Variants in PPAT observed in about 807,000 individuals in gnomAD.
The protein encoded by PPAT is amidophosphoribosyltransferase.
Under a neutral mutation model 60.2 loss-of-function variants are expected in PPAT, and 20 were observed. That is an observed-to-expected ratio of 0.33 (90% confidence interval 0.23 to 0.48). The LOEUF is 0.48. Among genes scored for constraint, PPAT ranks in the 20% least tolerant of loss-of-function variants. PPAT has a pLI of 0.99. For missense variants in PPAT, 349 were observed against 629.6 expected (o/e 0.55, Z 4.77); for synonymous variants, 194 against 215.1 (o/e 0.90, Z 0.86).
chr4:56,405,291 A>G (rs1238384944), intron 3 of PPAT, among the ~76,000 whole-genome samples: 1 of 151,958 alleles, frequency 6.6e-6, no homozygotes, highest in Non-Finnish European at 1.5e-5. Context: ...TTTATACTCC[A>G]TTTTATTTTT....
At chr4:56,431,490 T>A in intron 1 of PPAT, 1 of 978,494 alleles carries the variant, frequency 1.0e-6, no homozygotes, top group Non-Finnish European at 1.2e-6. Flanking sequence ...CAAAGCGTAA[T>A]AACAGAACCA....
At chr4:56,432,219 A>G (rs2110070148) in intron 1 of PPAT, among the ~76,000 whole-genome samples, 1 of 152,304 alleles carries the variant, frequency 6.6e-6, no homozygotes, top group East Asian at 1.9e-4. Flanking sequence ...CTCACCTTCT[A>G]GATTCCATCT....
intron 1 of PPAT, among the ~76,000 whole-genome samples, chr4:56,417,723 G>T (rs1716831397): frequency 6.6e-6 from 1 of 152,074 alleles, no homozygotes; most frequent in Non-Finnish European, 1.5e-5. Context: ...GGGGTTCAAG[G>T]CTGCAGTGAG....
intron 1 of PPAT, among the ~76,000 whole-genome samples, chr4:56,425,841 G>A (rs1005892195): frequency 6.6e-6 from 1 of 152,106 alleles, no homozygotes; most frequent in Non-Finnish European, 1.5e-5. Flanking sequence ...TAAAAACTCT[G>A]GCTTAGAGGA....
chr4:56,422,482 C>CATGT (rs1717089107), intron 1 of PPAT: 5 of 138,564 alleles, frequency 3.6e-5, no homozygotes, highest in African/African-American at 1.4e-4. Flanking sequence ...TTTTTTTGTA[C>CATGT]GTGTGTGTGT....
intron 1 of PPAT, among the ~76,000 whole-genome samples, chr4:56,429,565 T>C (rs559568862): frequency 2.7e-5 from 4 of 150,516 alleles, no homozygotes; most frequent in African/African-American, 1.0e-4. Flanking sequence ...AGCTCCAGTC[T>C]CTCTTTGACC....
chr4:56,425,074 A>C (rs954040620), intron 1 of PPAT, among the ~76,000 whole-genome samples: 1 of 152,224 alleles, frequency 6.6e-6, no homozygotes, highest in Non-Finnish European at 1.5e-5. Context: ...TGGTTGTAGC[A>C]AAACATATTT....
At chr4:56,402,814 G>A (rs1239724780) in intron 5 of PPAT, among the ~76,000 whole-genome samples, 4 of 96,752 alleles carry the variant, frequency 4.1e-5, no homozygotes, top group African/African-American at 1.4e-4. Flanking sequence ...AGTGAAACTC[G>A]GTCTCCAAAA....
At chr4:56,434,017 T>C (rs1321997952) in intron 1 of PPAT, among the ~76,000 whole-genome samples, 2 of 152,214 alleles carry the variant, frequency 1.3e-5, no homozygotes, top group Non-Finnish European at 2.9e-5. Flanking sequence ...TACAAACTAA[T>C]GTTGCTCACA....
chr4:56,419,863 T>C, intron 1 of PPAT: 3 of 984,650 alleles, frequency 3.0e-6, no homozygotes, highest in Non-Finnish European at 3.6e-6. Context: ...TACAAAAACC[T>C]AAAACACGAA....
At position 56,393,426 on chromosome 4, in the gene PPAT, T is replaced by C. The variant is rs1414197145; in HGVS notation, c.*1926A>G. 1.3e-5 allele frequency: 2 copies of C among 152,164 alleles called. No homozygotes were observed. The highest frequency in any genetic ancestry group is 6.5e-5 in the Admixed American group (1 of 15,270). The allele number at this position is 152,164 out of a possible 1,614,324, so 9.4% of individuals were successfully genotyped here. On this transcript the variant is annotated 3_prime_UTR_variant, in exon 11 of 11. Coordinates refer to ENST00000264220, the MANE Select transcript of PPAT (RefSeq NM_002703.5). Reference sequence around the variant, plus strand: ...CACAAATAAGTCACAAAAAGTAGGCTTAGTTTAGTTCACAATATAAATCCC... The same window carrying C: ...CACAAATAAGTCACAAAAAGTAGGCCTAGTTTAGTTCACAATATAAATCCC...
intron 9 of PPAT, among the ~76,000 whole-genome samples, chr4:56,397,579 C>T (rs1716005926): frequency 6.6e-6 from 1 of 152,074 alleles, no homozygotes; most frequent in Non-Finnish European, 1.5e-5. Flanking sequence ...TTTAAATTTA[C>T]ATAACTATTA....
chr4:56,432,925 G>C (rs1325179279), intron 1 of PPAT, among the ~76,000 whole-genome samples: 1 of 151,266 alleles, frequency 6.6e-6, no homozygotes, highest in Non-Finnish European at 1.5e-5. Context: ...AGTGAAAACA[G>C]AGCTTTCTGC....
At chr4:56,407,125 T>G (rs541672660) in intron 2 of PPAT, among the ~76,000 whole-genome samples, 1 of 152,272 alleles carries the variant, frequency 6.6e-6, no homozygotes, top group South Asian at 2.1e-4. Flanking sequence ...AATGACCCCC[T>G]ATTTGAGTTG....
intron 5 of PPAT, 60 bp downstream of exon 5, chr4:56,402,980 T>C: frequency 6.9e-7 from 1 of 1,457,592 alleles, no homozygotes. Context: ...CAGGGCTTGA[T>C]AGCAGTAGGA....
In PPAT at chr4:56,407,716, C is replaced by A; in HGVS notation, c.129G>T (p.Arg43=). 6.3e-7 allele frequency: 1 copy of A among 1,597,348 alleles called. No individual in the cohort carries two copies. The highest frequency in any genetic ancestry group is 2.2e-5 in the East Asian group (1 of 44,836). Reference sequence around the variant, plus strand: ...TCACAATACCAGCACTCTCCTGACCCCTGTGAATATAAAAAGATATTAGCT... The same window carrying A: ...TCACAATACCAGCACTCTCCTGACCACTGTGAATATAAAAAGATATTAGCT... ...ITLGLVGLQH[R]GQESAGIVTS... is the part of the protein sequence containing the mutation. The change falls in exon 2 of 11, where the codon CGG becomes CGT. Residue 43 remains arginine (R), a splice_region_variant and synonymous_variant. Transcript: ENST00000264220.
intron 1 of PPAT, among the ~76,000 whole-genome samples, chr4:56,429,322 T>C (rs1717457019): frequency 1.3e-5 from 2 of 152,170 alleles, no homozygotes; most frequent in Non-Finnish European, 2.9e-5. Flanking sequence ...TACTTTACAG[T>C]GATTGTTGCA....
intron 1 of PPAT, among the ~76,000 whole-genome samples, chr4:56,411,388 C>G (rs1409508008): frequency 6.6e-6 from 1 of 152,166 alleles, no homozygotes; most frequent in African/African-American, 2.4e-5. Flanking sequence ...TATTTCATTA[C>G]TTGTTTACAA....
At chr4:56,400,727 G>A (rs1716089033) in intron 8 of PPAT, 57 bp downstream of exon 8, 5 of 1,505,764 alleles carry the variant, frequency 3.3e-6, no homozygotes, top group Non-Finnish European at 4.5e-6. Flanking sequence ...ATAGGCAAGG[G>A]TTTCTTATTC....
Sources: gnomAD v4.1 joint callset for allele counts (sites outside exome capture counted in the v4.1 genomes callset) on GRCh38, gnomAD v4.1.1 for gene constraint, MANE v1.5 for transcripts, NCBI Gene and HGNC (gene_info 2026-07-23, HGNC 2026-07-21) for gene names.